Variants in BAHCC1 observed in about 807,000 individuals in gnomAD.
BAHCC1 encodes BAH domain and coiled-coil containing 1.
Under a neutral mutation model 88.2 loss-of-function variants are expected in BAHCC1, and 43 were observed. The ratio of observed to expected loss-of-function variants is 0.49; its 90% CI spans 0.38 to 0.63. The LOEUF is 0.63. Among genes scored for constraint, BAHCC1 ranks in the 20% least tolerant of loss-of-function variants. The pLI is 0.00. For synonymous variants in BAHCC1, 1,510 were observed against 745.5 expected (o/e 2.03, Z -16.71); for missense variants, 3,023 against 1,654.8 (o/e 1.83, Z -14.34).
At chr17:81,416,638 A>G (rs1271521069) in intron 2 of BAHCC1, among the ~76,000 whole-genome samples, 2 of 152,050 alleles carry the variant, frequency 1.3e-5, no homozygotes, top group Non-Finnish European at 2.9e-5. Flanking sequence ...GGATGGGTGT[A>G]TGCACATGTA....
Position 81,463,800 on chromosome 17 carries a change from G to T in BAHCC1, c.7810G>T (p.Val2604Leu), listed in dbSNP as rs368667311. 1.3e-6 allele frequency: 1 copy of T among 742,706 alleles called. No individual in the cohort carries two copies. Among genetic ancestry groups the T allele is most frequent in the South Asian group, 1.4e-5 (1 of 70,768 alleles). 46.0% of individuals were successfully genotyped at this position (742,706 alleles called of 1,614,324 possible). Residue 2604 changes from valine to leucine, a missense_variant, in exon 28 of 28, where the codon GTG (valine) becomes TTG (leucine). Val to Leu is a conservative substitution (Grantham distance 32, BLOSUM62 1). Coordinates refer to ENST00000675386, the MANE Select transcript of BAHCC1 (RefSeq NM_001377448.1). ...TTGRLVTADGVPILC is the reference protein window; with the variant it reads ...TTGRLVTADGLPILC ...CGGGCGCCTGGTGACGGCTGATGGC[G>T]TGCCCATCCTATGCTGAGCCGCCCA...
At chr17:81,421,646 G>C (rs917157355) in intron 2 of BAHCC1, among the ~76,000 whole-genome samples, 11 of 152,226 alleles carry the variant, frequency 7.2e-5, no homozygotes, top group African/African-American at 2.7e-4. Flanking sequence ...AAGCATCTGA[G>C]AGCCCCCAGC....
At chr17:81,446,756 T>C (rs1192829857) in intron 10 of BAHCC1, 1 of 615,498 alleles carries the variant, frequency 1.6e-6, no homozygotes, top group East Asian at 3.3e-5. Flanking sequence ...GCTCACTCTG[T>C]TGCCCACGCT....
In BAHCC1 at chr17:81,435,944, A is replaced by C. The variant is rs1408026375; in HGVS notation, c.359-2426A>C. 6.6e-6 allele frequency among the ~76,000 whole-genome samples: 1 copy of C among 151,650 alleles called. No individual in the cohort carries two copies. The highest frequency in any genetic ancestry group is 2.4e-5 in the African/African-American group (1 of 41,374). On this transcript the variant is annotated intron_variant, in intron 3 of 27. Transcript: ENST00000675386. This position sits in a 1 kb window ranked among gnomAD's most constrained non-coding sequence, Gnocchi z 4.4. ...AAATCATTTTTAAATTTTCTTTCTCAGTTTTGAGAGTATGGTCTTATTGGG... is the reference window on the plus strand; with the variant it reads ...AAATCATTTTTAAATTTTCTTTCTCCGTTTTGAGAGTATGGTCTTATTGGG...
At position 81,461,880 on chromosome 17, in the gene BAHCC1, C is replaced by CCAGCAG. The variant is rs533325256; in HGVS notation, c.7226_7231dup (p.Ser2409_Ser2410dup). ...GCTGGCACCGGTGCGGGCTCAGGCC[C>CCAGCAG]CAGCAGCAGCAGCAAATCCAAGCTC... On this transcript the variant is annotated inframe_insertion, in exon 26 of 28. Coordinates refer to ENST00000675386, the MANE Select transcript of BAHCC1 (RefSeq NM_001377448.1). 4 of 728,138 alleles carry CCAGCAG rather than the reference C, an allele frequency of 5.5e-6. No homozygotes were observed. The highest frequency in any genetic ancestry group is 2.0e-5 in the Admixed American group (1 of 51,170). 45.1% of individuals were successfully genotyped at this position (728,138 alleles called of 1,614,324 possible).
At position 81,459,235 on chromosome 17, in the gene BAHCC1, A is replaced by G. The variant is rs145205062; in HGVS notation, c.5721-18A>G. On this transcript the variant is annotated intron_variant, in intron 21 of 27. Transcript: ENST00000675386. ...GCAACCGAGACCCGTGGCACCTCAC[A>G]TTCCCCAATGCCCCCAGCTATAGCA... 1,789 of 777,902 alleles carry G rather than the reference A, an allele frequency of 2.3e-3. 21 individuals are homozygous for G. The highest frequency in any genetic ancestry group is 0.021 in the African/African-American group (1,218 of 59,214). The allele number at this position is 777,902 out of a possible 1,614,324, so 48.2% of individuals were successfully genotyped here.
At chr17:81,448,074 G>GCA in intron 11 of BAHCC1, among the ~76,000 whole-genome samples, 1 of 152,328 alleles carries the variant, frequency 6.6e-6, no homozygotes, top group South Asian at 2.1e-4. Context: ...GGCCCTGGGA[G>GCA]CAGGACTAAC....
Position 81,442,366 on chromosome 17 carries a change from G to C in BAHCC1, c.1017G>C (p.Glu339Asp). The C allele has an allele frequency of 1.4e-6, 1 of 702,096 alleles. No homozygotes were observed. Among genetic ancestry groups the C allele is most frequent in the Non-Finnish European group, 2.6e-6 (1 of 381,516 alleles). The allele number at this position is 702,096 out of a possible 1,614,324, so 43.5% of individuals were successfully genotyped here. ...EPGPAFSECLERRQMLHHTAS... is the reference protein window; with the variant it reads ...EPGPAFSECLDRRQMLHHTAS... ...GGCCGGCCTTCAGCGAGTGCCTGGA[G>C]CGGCGGCAGATGCTACACCACACCG... The change falls in exon 5 of 28, where the codon GAG (glutamate) becomes GAC (aspartate). Residue 339 changes from glutamate to aspartate, a missense_variant. Physicochemically the swap from Glu to Asp is conservative, Grantham distance 45. Coordinates refer to ENST00000675386, the MANE Select transcript of BAHCC1 (RefSeq NM_001377448.1).
intron 2 of BAHCC1, among the ~76,000 whole-genome samples, chr17:81,421,254 G>A (rs1044487724): frequency 3.3e-5 from 5 of 152,350 alleles, no homozygotes; most frequent in Admixed American, 2.6e-4. Flanking sequence ...TGGCCCACAC[G>A]GTCTGGCCCT....
At chr17:81,425,386 TTGG>T (rs1241522619) in intron 2 of BAHCC1, among the ~76,000 whole-genome samples, 1 of 88,230 alleles carries the variant, frequency 1.1e-5, no homozygotes, top group Non-Finnish European at 2.1e-5. Context: ...GGTGGTGTGG[TTGG>T]TGGTGATAGT....
intron 1 of BAHCC1, among the ~76,000 whole-genome samples, chr17:81,397,390 G>GGA (rs146733724): frequency 7.5e-6 from 1 of 133,954 alleles, no homozygotes; most frequent in Non-Finnish European, 1.7e-5. Context: ...ATTTCTTATT[G>GGA]GAGAGAAAAA....
At chr17:81,462,376 C>T (rs549094406) in intron 26 of BAHCC1, among the ~76,000 whole-genome samples, 8 of 152,362 alleles carry the variant, frequency 5.3e-5, no homozygotes, top group African/African-American at 1.9e-4. Flanking sequence ...TCCCCGCACT[C>T]AGATGCCTGC....
Position 81,443,904 on chromosome 17 carries a change from G to T in BAHCC1, c.2311G>T (p.Glu771Ter), listed in dbSNP as rs376066263. ...TGACCGCCTGGGGCTTGCCAGCCGC[G>T]AGCTGCTGCTGCAGTGAGAGCTGGG... ...CDDRLGLASR[E>*]LLLQDSKDRV... Residue 771 changes from glutamate to a stop codon, truncating the protein, a stop_gained, in exon 6 of 28, where the codon GAG becomes TAG. Coordinates refer to ENST00000675386, the MANE Select transcript of BAHCC1 (RefSeq NM_001377448.1). LOFTEE classifies it high-confidence loss of function. The T allele has an allele frequency of 1.4e-6, 1 of 711,646 alleles. No homozygotes were observed. The allele number at this position is 711,646 out of a possible 1,614,324, so 44.1% of individuals were successfully genotyped here.
intron 2 of BAHCC1, among the ~76,000 whole-genome samples, chr17:81,414,101 G>C (rs1555648251): frequency 6.6e-6 from 1 of 152,196 alleles, no homozygotes; most frequent in East Asian, 1.9e-4. Context: ...TCTGAGCCCT[G>C]ACCCGTGCCA....
chr17:81,432,399 C>T (rs955148457), intron 3 of BAHCC1, among the ~76,000 whole-genome samples: 1 of 152,088 alleles, frequency 6.6e-6, no homozygotes, highest in East Asian at 1.9e-4. Flanking sequence ...GAAGGGAGTT[C>T]CCTGGTAGCC....
chr17:81,410,062 TG>T, intron 2 of BAHCC1: 1 of 362,882 alleles, frequency 2.8e-6, no homozygotes, highest in South Asian at 1.9e-5. Context: ...ACCTCTAAAA[TG>T]GGCAGTTGCC....
rs782595212 is a variant in BAHCC1 at position 81,460,934 on chromosome 17, C to A, written c.6271C>A (p.Arg2091Ser). The A allele has an allele frequency of 2.6e-6, 2 of 770,028 alleles. No individual in the cohort carries two copies. The highest frequency in any genetic ancestry group is 2.7e-5 in the South Asian group (2 of 74,624). The allele number at this position is 770,028 out of a possible 1,614,324, so 47.7% of individuals were successfully genotyped here. Residue 2091 changes from arginine (R) to serine (S), a missense_variant, in exon 26 of 28, where the codon CGT (arginine) becomes AGT (serine). Physicochemically the swap from Arg to Ser is moderately radical, Grantham distance 110. Coordinates refer to ENST00000675386, the MANE Select transcript of BAHCC1 (RefSeq NM_001377448.1). ...TGASDHFLGR[R>S]GSPLLSWSAV... ...GGCCTCCGACCACTTCCTGGGCCGC[C>A]GTGGCAGCCCCTTGCTGAGCTGGTC...
chr17:81,402,942 T>C (rs1212608390), intron 2 of BAHCC1: 1 of 152,260 alleles, frequency 6.6e-6, no homozygotes, highest in Non-Finnish European at 1.5e-5. Context: ...CCAGTAACCT[T>C]GTCACCAAAA....
intron 1 of BAHCC1, among the ~76,000 whole-genome samples, chr17:81,398,705 C>T (rs2063771345): frequency 6.6e-6 from 1 of 152,218 alleles, no homozygotes; most frequent in Non-Finnish European, 1.5e-5. Context: ...CAACAGGAAG[C>T]TCCCGGCTCC....
Sources: allele counts gnomAD v4.1 joint callset (sites outside exome capture counted in the v4.1 genomes callset), GRCh38; gene constraint gnomAD v4.1.1; non-coding constraint Gnocchi (gnomAD v3.1); transcripts MANE v1.5; gene names NCBI Gene and HGNC (gene_info 2026-07-23, HGNC 2026-07-21).